The following DSCAML1 variants were observed in gnomAD, a reference collection of about 807,000 sequenced individuals.
DSCAML1 encodes DS cell adhesion molecule like 1, also known as cell adhesion molecule DSCAML1.
A neutral mutation model predicts 200.5 loss-of-function variants in DSCAML1; 38 were observed. The ratio of observed to expected loss-of-function variants is 0.19; its 90% CI spans 0.15 to 0.25. The LOEUF is 0.25. DSCAML1 is among the 10% of genes least tolerant of loss of function. The pLI, the probability that DSCAML1 is intolerant of heterozygous loss-of-function variation, is 1.00. For missense variants in DSCAML1, 2,223 were observed against 2,858.8 expected (o/e 0.78, Z 5.07); for synonymous variants, 1,215 against 1,165.0 (o/e 1.04, Z -0.87).
In DSCAML1 at chr11:117,503,367, A is replaced by C. The variant is rs970200247; in HGVS notation, c.2359+478T>G. ...ACAGGGAGGGGGAGTGACTCGCCCA[A>C]GGTCACTCAGCTCATCAGGCTGATC... On this transcript the variant is annotated intron_variant, in intron 11 of 32. Transcript: ENST00000651296. The surrounding 1 kb of genome is among the most constrained non-coding windows in gnomAD (Gnocchi z 5.2). Among the ~76,000 whole-genome samples, 7 of 152,172 alleles carry C rather than the reference A, an allele frequency of 4.6e-5. No individual in the cohort carries two copies. Among genetic ancestry groups the C allele is most frequent in the Admixed American group, 1.3e-4 (2 of 15,282 alleles).
chr11:117,714,178 T>A (rs1565890058), intron 3 of DSCAML1, among the ~76,000 whole-genome samples: 1 of 152,216 alleles, frequency 6.6e-6, no homozygotes, highest in Non-Finnish European at 1.5e-5. Flanking sequence ...ATAGTAAGTG[T>A]GCTGTTACCT....
chr11:117,542,031 C>T (rs930940615), intron 3 of DSCAML1, among the ~76,000 whole-genome samples: 9 of 152,090 alleles, frequency 5.9e-5, no homozygotes, highest in Non-Finnish European at 8.8e-5. Context: ...GCAATGAGGC[C>T]GGGCACTGTG....
chr11:117,466,992 G>A (rs73577982), intron 16 of DSCAML1, among the ~76,000 whole-genome samples: 20,912 of 152,158 alleles, frequency 0.14, 1,662 homozygotes, highest in Admixed American at 0.2. Flanking sequence ...GCTGAGGCCC[G>A]AATGAGCCCT....
intron 3 of DSCAML1, among the ~76,000 whole-genome samples, chr11:117,673,946 G>A (rs1286808681): frequency 6.6e-6 from 1 of 152,170 alleles, no homozygotes; most frequent in Non-Finnish European, 1.5e-5. Flanking sequence ...TGGGAAGATG[G>A]TGCTAAGAAA....
chr11:117,452,441 T>G (rs1430598809), intron 19 of DSCAML1, among the ~76,000 whole-genome samples: 8 of 152,226 alleles, frequency 5.3e-5, no homozygotes. Flanking sequence ...TTAGACAGTT[T>G]GAATGATATG....
chr11:117,687,424 C>CTTTTTTTT (rs1440234665), intron 3 of DSCAML1, among the ~76,000 whole-genome samples: 5 of 51,804 alleles, frequency 9.7e-5, no homozygotes, highest in Non-Finnish European at 9.8e-5. Context: ...CCATGCCTGG[C>CTTTTTTTT]TATTTTTTTT....
At chr11:117,538,914 G>A (rs549560966) in intron 3 of DSCAML1, among the ~76,000 whole-genome samples, 9 of 152,200 alleles carry the variant, frequency 5.9e-5, no homozygotes, top group South Asian at 4.2e-4. Flanking sequence ...GCAGGGGCCA[G>A]CAGCCTCCTG....
intron 22 of DSCAML1, 148 bp from the exon 23 acceptor site, chr11:117,439,577 TG>T (rs2048001425): frequency 5.2e-6 from 6 of 1,144,860 alleles, no homozygotes; most frequent in Non-Finnish European, 7.3e-6. Flanking sequence ...CAGCACTCCC[TG>T]GGGGTATGAG....
chr11:117,757,047 G>T (rs2054705483), intron 3 of DSCAML1, among the ~76,000 whole-genome samples: 1 of 152,290 alleles, frequency 6.6e-6, no homozygotes, highest in African/African-American at 2.4e-5. Flanking sequence ...ATCTGTGGAA[G>T]CTCAGGGTGG....
chr11:117,784,705 C>A (rs935556234), intron 1 of DSCAML1, among the ~76,000 whole-genome samples: 3 of 152,184 alleles, frequency 2.0e-5, no homozygotes, highest in Admixed American at 2.0e-4. Flanking sequence ...GACAGAACTA[C>A]CTCCCCTCTG....
At chr11:117,749,158 C>T (rs1339711242) in intron 3 of DSCAML1, among the ~76,000 whole-genome samples, 1 of 152,212 alleles carries the variant, frequency 6.6e-6, no homozygotes, top group East Asian at 1.9e-4. Context: ...CTCCTCCAGC[C>T]CCCTCTGCCC....
intron 1 of DSCAML1, among the ~76,000 whole-genome samples, chr11:117,793,383 C>G (rs1275756957): frequency 6.6e-6 from 1 of 152,178 alleles, no homozygotes; most frequent in Non-Finnish European, 1.5e-5. Context: ...GCCTGGAACT[C>G]GTATCCCTGC....
chr11:117,443,659 C>T (rs1247472911), intron 21 of DSCAML1, among the ~76,000 whole-genome samples: 4 of 152,186 alleles, frequency 2.6e-5, no homozygotes, highest in Admixed American at 2.0e-4. Context: ...CCCTGTCCAC[C>T]CGCCCCAGGC....
chr11:117,657,773 G>A (rs2052764306), intron 3 of DSCAML1, among the ~76,000 whole-genome samples: 1 of 152,196 alleles, frequency 6.6e-6, no homozygotes, highest in Non-Finnish European at 1.5e-5. Context: ...TTGGATTAGT[G>A]ACCTTTGAAG....
At chr11:117,789,240 G>A (rs775046613) in intron 1 of DSCAML1, among the ~76,000 whole-genome samples, 15 of 152,298 alleles carry the variant, frequency 9.8e-5, no homozygotes, top group Non-Finnish European at 1.9e-4. Flanking sequence ...TGTGCCATCA[G>A]CTCCAGGAGA....
At chr11:117,457,595 G>T (rs1379583618) in intron 19 of DSCAML1, among the ~76,000 whole-genome samples, 1 of 152,158 alleles carries the variant, frequency 6.6e-6, no homozygotes, top group African/African-American at 2.4e-5. Flanking sequence ...AGTAGGGCAG[G>T]CAGGTTGGTA....
Position 117,439,084 on chromosome 11 carries a change from TCACTCC to T in DSCAML1, c.4145-107_4145-102del, listed in dbSNP as rs542028727. 9,914 of 1,339,088 alleles carry T rather than the reference TCACTCC, an allele frequency of 7.4e-3. 66 individuals carry two copies. Among genetic ancestry groups the T allele is most frequent in the South Asian group, 0.013 (904 of 69,730 alleles). The allele number at this position is 1,339,088 out of a possible 1,614,324, so 83.0% of individuals were successfully genotyped here. A position where few individuals can be genotyped will look rare whatever the true frequency, so the allele number is the denominator to read the frequency against. On this transcript the variant is annotated intron_variant, in intron 23 of 32. Transcript: ENST00000651296. Reference sequence around the variant, plus strand: ...GGAAGGTGCTGGCTCTCCCACACCCTCACTCCCACTCCCACTCCCCAGCTCTCCTGC... The same window carrying T: ...GGAAGGTGCTGGCTCTCCCACACCCTCACTCCCACTCCCCAGCTCTCCTGC...
At chr11:117,801,105 A>G (rs577739044), upstream of DSCAML1, 41 of 152,116 alleles carry the variant, frequency 2.7e-4, no homozygotes, top group African/African-American at 9.9e-4. Flanking sequence ...TTGGGGGAGG[A>G]AAAAACAAGG....
chr11:117,575,750 C>T (rs2050919950), intron 3 of DSCAML1, among the ~76,000 whole-genome samples: 1 of 152,074 alleles, frequency 6.6e-6, no homozygotes, highest in Non-Finnish European at 1.5e-5. Flanking sequence ...GAGGATCACT[C>T]AAACCCGGGA....
Sources: allele counts gnomAD v4.1 joint callset (sites outside exome capture counted in the v4.1 genomes callset), GRCh38; gene constraint gnomAD v4.1.1; non-coding constraint Gnocchi (gnomAD v3.1); transcripts MANE v1.5; gene names NCBI Gene and HGNC (gene_info 2026-07-23, HGNC 2026-07-21).